Variants in TMTC1 observed in about 807,000 individuals in gnomAD.
The protein encoded by TMTC1 is protein O-mannosyl-transferase TMTC1.
In TMTC1, 73 loss-of-function variants were observed where a neutral mutation model predicts 104.8. That is an observed-to-expected ratio of 0.70 (90% CI 0.58 to 0.85). TMTC1 has a LOEUF of 0.85. Among genes scored for constraint, TMTC1 ranks in the 40% least tolerant of loss-of-function variants. The pLI is 0.00. For missense variants in TMTC1, 1,035 were observed against 1,096.1 expected, an observed-to-expected ratio of 0.94 and a Z score of 0.79; for synonymous variants, 434 against 428.7, an observed-to-expected ratio of 1.01 and a Z score of -0.15.
intron 5 of TMTC1, among the ~76,000 whole-genome samples, chr12:29,729,659 G>A (rs773564615): frequency 1.2e-4 from 19 of 152,094 alleles, no homozygotes; most frequent in Non-Finnish European, 2.5e-4. Context: ...TGGGGTTACG[G>A]CCTCACTGGT....
chr12:29,648,834 TA>T (rs1462220778), intron 5 of TMTC1, among the ~76,000 whole-genome samples: 12 of 152,236 alleles, frequency 7.9e-5, no homozygotes, highest in Non-Finnish European at 1.5e-5. Flanking sequence ...ATAATCAATG[TA>T]AAAATTATGA....
intron 5 of TMTC1, among the ~76,000 whole-genome samples, chr12:29,714,915 T>C (rs941570720): frequency 6.6e-6 from 1 of 152,124 alleles, no homozygotes; most frequent in Non-Finnish European, 1.5e-5. Context: ...TCAGAAGGAG[T>C]ACAGTCCAGG....
intron 17 of TMTC1, 97 bp downstream of exon 17, chr12:29,511,946 A>C: frequency 1.7e-6 from 2 of 1,197,314 alleles, no homozygotes; most frequent in Non-Finnish European, 2.5e-6. Flanking sequence ...TTCAAAAAGG[A>C]AATTAACAAT....
intron 5 of TMTC1, among the ~76,000 whole-genome samples, chr12:29,638,346 G>A (rs1363561761): frequency 2.6e-5 from 4 of 151,982 alleles, no homozygotes; most frequent in African/African-American, 9.7e-5. Flanking sequence ...TGAATGACAT[G>A]GAATTCAGCT....
In TMTC1 at chr12:29,522,418, T is replaced by C. The variant is rs553740315; in HGVS notation, c.1786-1698A>G. The stretch of plus-strand genomic sequence containing the variant: ...AAAAATAAGGATCCATGTCTCTAAA[T>C]ATATGTTTTTTAATTGCCAAACTCA... On this transcript the variant is annotated intron_variant, in intron 11 of 17. Transcript: ENST00000539277. 2.6e-5 allele frequency among the ~76,000 whole-genome samples: 4 copies of C among 152,322 alleles called. No homozygotes were observed. In the East Asian group the frequency reaches 7.7e-4, roughly 29 times the overall value.
chr12:29,676,588 C>T (rs1355530216), intron 5 of TMTC1, among the ~76,000 whole-genome samples: 2 of 152,024 alleles, frequency 1.3e-5, no homozygotes, highest in Admixed American at 6.6e-5. Context: ...AGTCAGAGAT[C>T]GATTTCCAGG....
intron 6 of TMTC1, among the ~76,000 whole-genome samples, chr12:29,631,873 GA>G (rs1316397862): frequency 6.6e-6 from 1 of 152,094 alleles, no homozygotes. Context: ...ATGGCTTTGT[GA>G]TCAGCCAATG....
intron 5 of TMTC1, among the ~76,000 whole-genome samples, chr12:29,680,881 T>C (rs1940891705): frequency 6.6e-6 from 1 of 152,062 alleles, no homozygotes. Flanking sequence ...GTGGATCACT[T>C]GAGGCCAGGA....
At chr12:29,539,779 A>C (rs1421640842) in intron 10 of TMTC1, among the ~76,000 whole-genome samples, 3 of 152,236 alleles carry the variant, frequency 2.0e-5, no homozygotes, top group Admixed American at 2.0e-4. Context: ...AATCATGGAT[A>C]GACTCCAACC....
intron 3 of TMTC1, among the ~76,000 whole-genome samples, chr12:29,757,980 G>C (rs1943255322): frequency 6.6e-6 from 1 of 152,106 alleles, no homozygotes; most frequent in African/African-American, 2.4e-5. Flanking sequence ...TTCAAGATGA[G>C]ATTTGGGAGT....
At chr12:29,676,069 C>T (rs1335573736) in intron 5 of TMTC1, among the ~76,000 whole-genome samples, 2 of 152,130 alleles carry the variant, frequency 1.3e-5, no homozygotes, top group African/African-American at 2.4e-5. Context: ...TAAAGCACAC[C>T]ATATCTATAA....
chr12:29,588,693 A>AT, intron 7 of TMTC1, among the ~76,000 whole-genome samples: 1 of 152,328 alleles, frequency 6.6e-6, no homozygotes, highest in South Asian at 2.1e-4. Flanking sequence ...ATGGATAAAA[A>AT]TTAAGAAGAG....
At position 29,663,666 on chromosome 12, in the gene TMTC1, G is replaced by A. The variant is rs138419927; in HGVS notation, c.939-30330C>T. Among the ~76,000 whole-genome samples, 528 of 150,784 alleles carry A rather than the reference G, an allele frequency of 3.5e-3. 7 individuals are homozygous for A. Among genetic ancestry groups the A allele is most frequent in the African/African-American group, 0.012 (478 of 40,964 alleles). ...TGAGTAGCTAGGATTACAGGAGCCC[G>A]CCACCATGCCTGGCTAATATTTGTA... On this transcript the variant is annotated intron_variant, in intron 5 of 17. Coordinates refer to ENST00000539277, the MANE Select transcript of TMTC1 (RefSeq NM_001193451.2).
intron 8 of TMTC1, 85 bp downstream of exon 8, chr12:29,583,322 G>T: frequency 7.6e-7 from 1 of 1,310,242 alleles, no homozygotes; most frequent in Non-Finnish European, 1.0e-6. Flanking sequence ...ATACTGCCAG[G>T]CCCATGTTAC....
At chr12:29,724,519 T>G (rs1477193451) in intron 5 of TMTC1, among the ~76,000 whole-genome samples, 4 of 152,188 alleles carry the variant, frequency 2.6e-5, no homozygotes, top group Non-Finnish European at 5.9e-5. Context: ...ACATTCTGGA[T>G]GATAAGTGAT....
intron 10 of TMTC1, among the ~76,000 whole-genome samples, chr12:29,539,504 A>G (rs2136211262): frequency 6.6e-6 from 1 of 152,246 alleles, no homozygotes; most frequent in South Asian, 2.1e-4. Flanking sequence ...ATGTCCAACT[A>G]CCTACAGATA....
intron 7 of TMTC1, among the ~76,000 whole-genome samples, chr12:29,589,378 C>G (rs1233412552): frequency 6.6e-6 from 1 of 152,148 alleles, no homozygotes; most frequent in African/African-American, 2.4e-5. Context: ...GGCTCAGATA[C>G]TTTTTGGTTT....
At chr12:29,714,974 T>A (rs1942036856) in intron 5 of TMTC1, among the ~76,000 whole-genome samples, 1 of 152,204 alleles carries the variant, frequency 6.6e-6, no homozygotes, top group African/African-American at 2.4e-5. Flanking sequence ...TAGCCCTTAC[T>A]TTTTCTCTTT....
chr12:29,539,398 T>C (rs988921474), intron 10 of TMTC1, among the ~76,000 whole-genome samples: 1 of 152,248 alleles, frequency 6.6e-6, no homozygotes, highest in African/African-American at 2.4e-5. Flanking sequence ...TTCACACATC[T>C]GATTTTAGTT....
Sources: gnomAD v4.1 joint callset for allele counts (sites outside exome capture counted in the v4.1 genomes callset) on GRCh38, gnomAD v4.1.1 for gene constraint, MANE v1.5 for transcripts, NCBI Gene and HGNC (gene_info 2026-07-23, HGNC 2026-07-21) for gene names.